The following TSPAN19 variants were observed in gnomAD, a reference collection of about 807,000 sequenced individuals.
TSPAN19 encodes the protein tetraspanin 19.
TSPAN19 carries 44 observed loss-of-function variants against 35.1 expected under a neutral mutation model. That is an observed-to-expected ratio of 1.25 (90% CI 0.98 to 1.61). TSPAN19 has a LOEUF of 1.61. TSPAN19 is among the 40% of genes most tolerant of loss of function. The pLI, the probability that TSPAN19 is intolerant of heterozygous loss-of-function variation, is 0.00. For synonymous variants in TSPAN19, 79 were observed against 92.0 expected, an observed-to-expected ratio of 0.86 and a Z score of 0.81; for missense variants, 290 against 280.0, an observed-to-expected ratio of 1.04 and a Z score of -0.26.
chr12:85,025,133 T>C (rs543301285), intron 4 of TSPAN19, among the ~76,000 whole-genome samples: 1 of 151,842 alleles, frequency 6.6e-6, no homozygotes, highest in South Asian at 2.1e-4. Flanking sequence ...AAAAATTATA[T>C]GAAACCTTTT....
intron 4 of TSPAN19, 131 bp downstream of exon 4, chr12:85,027,768 G>T (rs985838634): frequency 8.0e-6 from 7 of 875,858 alleles, no homozygotes; most frequent in Non-Finnish European, 1.2e-5. Flanking sequence ...AGGAGGGTGT[G>T]CTTCATTTGA....
At position 85,017,456 on chromosome 12, in the gene TSPAN19, C is replaced by T; in HGVS notation, c.594G>A (p.Glu198=). 1.2e-6 allele frequency: 2 copies of T among 1,606,074 alleles called. No individual in the cohort carries two copies. The highest frequency in any genetic ancestry group is 1.7e-6 in the Non-Finnish European group (2 of 1,175,986). The part of the protein sequence containing the change: ...CDEPLNATYL[E]GCENKISAWY... The stretch of plus-strand genomic sequence containing the variant: ...TGTAGAAGCCTAGATTTATCTTTAC[C>T]TCAAGGTAAGTTGCATTCAGTGGCT... The change falls in exon 7 of 9, where the codon GAG becomes GAA. Residue 198 remains glutamate, a splice_region_variant and synonymous_variant. Coordinates refer to ENST00000532498, the MANE Select transcript of TSPAN19 (RefSeq NM_001100917.2).
rs1165037900 is a variant in TSPAN19 at position 85,019,285 on chromosome 12, A to G, written c.450+341T>C. 2.0e-5 allele frequency among the ~76,000 whole-genome samples: 3 copies of G among 151,890 alleles called. No individual in the cohort carries two copies. In the East Asian group the frequency reaches 5.8e-4, roughly 29 times the overall value. The stretch of plus-strand genomic sequence containing the variant: ...CAGCAATCCTGGTATTCAGACTCAA[A>G]TGGTAACCACAATGCTGCCAGCAGA... On this transcript the variant is annotated intron_variant, in intron 6 of 8. Coordinates refer to ENST00000532498, the MANE Select transcript of TSPAN19 (RefSeq NM_001100917.2).
intron 5 of TSPAN19, among the ~76,000 whole-genome samples, chr12:85,020,762 G>C (rs977885769): frequency 2.8e-4 from 42 of 151,952 alleles, no homozygotes; most frequent in African/African-American, 8.5e-4. Flanking sequence ...TAGATTATAT[G>C]CTTTTGTCCT....
At chr12:85,019,855 G>A in intron 5 of TSPAN19, 119 bp from the exon 6 acceptor site, 3 of 548,832 alleles carry the variant, frequency 5.5e-6, no homozygotes, top group Non-Finnish European at 9.6e-6. Flanking sequence ...TTATTTTTCT[G>A]TTTTCTGTTT....
intron 3 of TSPAN19, among the ~76,000 whole-genome samples, chr12:85,029,226 T>A (rs749595682): frequency 2.0e-5 from 3 of 152,158 alleles, no homozygotes; most frequent in African/African-American, 4.8e-5. Flanking sequence ...ATATTTGCTG[T>A]ACGAGTAAAT....
intron 6 of TSPAN19, among the ~76,000 whole-genome samples, chr12:85,018,671 A>T (rs1876952576): frequency 6.6e-6 from 1 of 151,970 alleles, no homozygotes; most frequent in African/African-American, 2.4e-5. Context: ...ATGTACTATA[A>T]ATAAAACCTA....
intron 1 of TSPAN19, among the ~76,000 whole-genome samples, chr12:85,034,701 A>G (rs745410395): frequency 6.6e-6 from 1 of 152,192 alleles, no homozygotes; most frequent in Non-Finnish European, 1.5e-5. Context: ...ATTTACTTAT[A>G]ATCTACAAAT....
At chr12:85,030,379 T>C (rs533235602) in intron 1 of TSPAN19, among the ~76,000 whole-genome samples, 2 of 152,256 alleles carry the variant, frequency 1.3e-5, no homozygotes, top group Non-Finnish European at 2.9e-5. Context: ...AGTCTTAATA[T>C]ACCTTGTTCC....
intron 8 of TSPAN19, chr12:85,014,988 T>C (rs1592656455): frequency 6.5e-6 from 1 of 153,194 alleles, no homozygotes; most frequent in African/African-American, 2.4e-5. Flanking sequence ...CTCTGCAGTT[T>C]TGTCTTAAGA....
chr12:85,034,578 A>G (rs1379271425), intron 1 of TSPAN19, among the ~76,000 whole-genome samples: 1 of 152,220 alleles, frequency 6.6e-6, no homozygotes, highest in Non-Finnish European at 1.5e-5. Context: ...CAGGTTAAAG[A>G]GTCATAGGCA....
intron 4 of TSPAN19, chr12:85,024,891 C>T (rs1010917935): frequency 6.6e-6 from 1 of 151,500 alleles, no homozygotes; most frequent in African/African-American, 2.4e-5. Context: ...TTACTTTTTA[C>T]TTGACCCTCA....
chr12:85,018,587 T>G (rs550228179), intron 6 of TSPAN19, among the ~76,000 whole-genome samples: 14 of 152,072 alleles, frequency 9.2e-5, no homozygotes, highest in African/African-American at 3.1e-4. Flanking sequence ...ATCACATACA[T>G]AAGAGAAAAA....
intron 1 of TSPAN19, among the ~76,000 whole-genome samples, chr12:85,030,986 G>A (rs540114768): frequency 6.6e-6 from 1 of 152,208 alleles, no homozygotes; most frequent in East Asian, 1.9e-4. Context: ...TTATTTTAAA[G>A]CTATTTGTCT....
At chr12:85,015,654 AGG>A in intron 8 of TSPAN19, 1 of 331,752 alleles carries the variant, frequency 3.0e-6, no homozygotes, top group Non-Finnish European at 5.4e-6. Flanking sequence ...AAATATACAT[AGG>A]TACTATACAT....
chr12:85,033,489 A>C (rs755514024), intron 1 of TSPAN19, among the ~76,000 whole-genome samples: 21 of 152,090 alleles, frequency 1.4e-4, no homozygotes, highest in Non-Finnish European at 2.6e-4. Flanking sequence ...TGAGAGATGT[A>C]GTAGGAAGTA....
intron 5 of TSPAN19, among the ~76,000 whole-genome samples, chr12:85,022,353 C>T (rs1180018315): frequency 6.6e-6 from 1 of 152,020 alleles, no homozygotes; most frequent in African/African-American, 2.4e-5. Context: ...GCAATGGTAT[C>T]ATACAGAAAA....
At chr12:85,018,955 A>G (rs1876966416) in intron 6 of TSPAN19, among the ~76,000 whole-genome samples, 1 of 151,834 alleles carries the variant, frequency 6.6e-6, no homozygotes, top group Non-Finnish European at 1.5e-5. Context: ...ATTATATTCC[A>G]GGTGCTGATC....
In TSPAN19 at chr12:85,019,716, G is replaced by A; in HGVS notation, c.360C>T (p.Asp120=). 6.2e-7 allele frequency: 1 copy of A among 1,605,330 alleles called. No homozygotes were observed. Among genetic ancestry groups the A allele is most frequent in the South Asian group, 1.1e-5 (1 of 90,060 alleles). Residue 120 remains aspartate (D), a synonymous_variant, in exon 6 of 9, where the codon GAC becomes GAT. Coordinates refer to ENST00000532498, the MANE Select transcript of TSPAN19 (RefSeq NM_001100917.2). The part of the protein sequence containing the change: ...KKEEVQQLWH[D]KIDFVISEYG... ...ACTCAGAAATGACAAAATCAATTTT[G>A]TCATGCCATAGTTGCTGAACCTGTA...
Sources: allele counts gnomAD v4.1 joint callset (sites outside exome capture counted in the v4.1 genomes callset), GRCh38; gene constraint gnomAD v4.1.1; transcripts MANE v1.5; gene names NCBI Gene and HGNC (gene_info 2026-07-23, HGNC 2026-07-21).